LDLRAD3: variants seen among roughly 807,000 people sequenced by gnomAD.
LDLRAD3 encodes low density lipoprotein receptor class A domain containing 3.
Under a neutral mutation model 29.4 loss-of-function variants are expected in LDLRAD3, and 20 were observed. The observed-to-expected ratio is 0.68, with a 90% CI of 0.48 to 0.99. The LOEUF is 0.99. LDLRAD3 is among the 50% of genes least tolerant of loss of function. LDLRAD3 has a pLI of 0.00. For synonymous variants in LDLRAD3, 157 were observed against 192.7 expected (o/e 0.81, Z 1.53); for missense variants, 420 against 454.3 (o/e 0.92, Z 0.69).
chr11:36,128,117 C>CATATATATATATATAT lies in LDLRAD3; in HGVS notation c.454+29659_454+29674dup, dbSNP rs57687795. Among the ~76,000 whole-genome samples the CATATATATATATATAT allele has an allele frequency of 1.9e-3, 185 of 98,940 alleles. 7 individuals carry two copies. Among genetic ancestry groups the CATATATATATATATAT allele is most frequent in the Middle Eastern group, 5.0e-3 (1 of 200 alleles). The allele number at this position is 98,940 out of a possible 152,430, so 64.9% of individuals were successfully genotyped here. A position where few individuals can be genotyped will look rare whatever the true frequency, so the allele number is the denominator to read the frequency against. The stretch of plus-strand genomic sequence containing the variant: ...CGTATTGATGGCAGAGTTGTTTTTA[C>CATATATATATATATAT]ATATATATATATATATATGTATATG... On this transcript the variant is annotated intron_variant, in intron 4 of 5. Coordinates refer to ENST00000315571, the MANE Select transcript of LDLRAD3 (RefSeq NM_174902.4).
chr11:36,208,739 T>C (rs1855243953), intron 4 of LDLRAD3, among the ~76,000 whole-genome samples: 1 of 147,914 alleles, frequency 6.8e-6, no homozygotes, highest in Non-Finnish European at 1.5e-5. Flanking sequence ...ATTGTAATTA[T>C]TGAAATGTAG....
intron 4 of LDLRAD3, among the ~76,000 whole-genome samples, chr11:36,161,678 CA>C (rs1482889526): frequency 6.6e-6 from 1 of 152,160 alleles, no homozygotes; most frequent in African/African-American, 2.4e-5. Context: ...CGGTAAGATA[CA>C]TTGGTAGACA....
intron 1 of LDLRAD3, among the ~76,000 whole-genome samples, chr11:35,985,778 C>G (rs1051173250): frequency 6.6e-5 from 10 of 152,028 alleles, no homozygotes; most frequent in Non-Finnish European, 1.3e-4. Context: ...GCCTTTGCTC[C>G]TCCTTCACCT....
intron 4 of LDLRAD3, among the ~76,000 whole-genome samples, chr11:36,152,081 C>T (rs1056008494): frequency 4.1e-5 from 6 of 148,140 alleles, no homozygotes; most frequent in Admixed American, 1.3e-4. Flanking sequence ...AATTTCCAAA[C>T]GCCTCCTAAG....
At chr11:36,216,898 G>T (rs1215512864) in intron 4 of LDLRAD3, among the ~76,000 whole-genome samples, 1 of 152,198 alleles carries the variant, frequency 6.6e-6, no homozygotes, top group African/African-American at 2.4e-5. Flanking sequence ...AGATGTTCAG[G>T]ATAAATGGGA....
chr11:36,072,590 G>T (rs1392064), intron 2 of LDLRAD3, among the ~76,000 whole-genome samples: 23,952 of 152,148 alleles, frequency 0.16, 2,258 homozygotes, highest in East Asian at 0.35. Flanking sequence ...TGGCTCTAGG[G>T]TACCCTGCCT....
At chr11:36,153,430 A>G (rs1242051365) in intron 4 of LDLRAD3, among the ~76,000 whole-genome samples, 1 of 152,030 alleles carries the variant, frequency 6.6e-6, no homozygotes, top group Non-Finnish European at 1.5e-5. Flanking sequence ...GTGGGAGAGA[A>G]CTTTTAATTG....
At chr11:36,142,912 C>T (rs1415872701) in intron 4 of LDLRAD3, among the ~76,000 whole-genome samples, 1 of 152,194 alleles carries the variant, frequency 6.6e-6, no homozygotes, top group East Asian at 1.9e-4. Flanking sequence ...AGCTCCCAGG[C>T]TCATGGAACC....
At chr11:36,179,202 G>C (rs1359260560) in intron 4 of LDLRAD3, among the ~76,000 whole-genome samples, 3 of 152,178 alleles carry the variant, frequency 2.0e-5, no homozygotes, top group African/African-American at 7.2e-5. Context: ...GGCCAGGTAT[G>C]GTGGCTCATG....
chr11:36,170,581 A>G (rs1262464317), intron 4 of LDLRAD3, among the ~76,000 whole-genome samples: 3 of 152,026 alleles, frequency 2.0e-5, no homozygotes, highest in African/African-American at 4.8e-5. Flanking sequence ...GAATCTCCAT[A>G]TTGTTTTCCA....
intron 4 of LDLRAD3, among the ~76,000 whole-genome samples, chr11:36,158,597 T>C (rs1486095458): frequency 6.6e-6 from 1 of 151,356 alleles, no homozygotes; most frequent in Non-Finnish European, 1.5e-5. Flanking sequence ...CTTTTTATTA[T>C]ATCTACTCTC....
At chr11:36,081,093 C>T (rs1490737223) in intron 2 of LDLRAD3, among the ~76,000 whole-genome samples, 1 of 152,144 alleles carries the variant, frequency 6.6e-6, no homozygotes. Context: ...AATCCAAGTT[C>T]CCAGACTCCA....
At chr11:35,989,822 C>T (rs140303798) in intron 1 of LDLRAD3, among the ~76,000 whole-genome samples, 12 of 152,200 alleles carry the variant, frequency 7.9e-5, no homozygotes, top group African/African-American at 2.9e-4. Flanking sequence ...TTAGGGTTCT[C>T]TAGGTATAGA....
At chr11:36,148,256 T>C (rs1854226694) in intron 4 of LDLRAD3, among the ~76,000 whole-genome samples, 1 of 152,150 alleles carries the variant, frequency 6.6e-6, no homozygotes, top group Admixed American at 6.5e-5. Context: ...CCAGTGATGG[T>C]CCTCTCCTTG....
At chr11:36,134,295 C>T (rs1194282780) in intron 4 of LDLRAD3, among the ~76,000 whole-genome samples, 1 of 152,180 alleles carries the variant, frequency 6.6e-6, no homozygotes, top group Non-Finnish European at 1.5e-5. Flanking sequence ...TACTGATAGT[C>T]TCCTTAATAT....
At chr11:36,134,679 G>T (rs189796514) in intron 4 of LDLRAD3, among the ~76,000 whole-genome samples, 3 of 152,292 alleles carry the variant, frequency 2.0e-5, no homozygotes, top group Admixed American at 2.0e-4. Flanking sequence ...CAGCCACATT[G>T]GGCATCTGTT....
intron 1 of LDLRAD3, among the ~76,000 whole-genome samples, chr11:35,961,181 G>C (rs1480167593): frequency 6.6e-6 from 1 of 152,242 alleles, no homozygotes; most frequent in Non-Finnish European, 1.5e-5. Flanking sequence ...ATAGAAGGCA[G>C]TGAGCGTCAG....
intron 4 of LDLRAD3, among the ~76,000 whole-genome samples, chr11:36,114,783 C>T (rs571744837): frequency 1.3e-5 from 2 of 152,290 alleles, no homozygotes; most frequent in Admixed American, 6.5e-5. Flanking sequence ...GTGCGTCTCT[C>T]TTCCCAATAC....
At position 35,992,454 on chromosome 11, in the gene LDLRAD3, A is replaced by G. The variant is rs1048717017; in HGVS notation, c.47-43649A>G. Reference sequence around the variant, plus strand: ...AGTGGCAACAACCCACATGTTCCCCAGTGGATGAATGGATAAATAAAATGT... The same window carrying G: ...AGTGGCAACAACCCACATGTTCCCCGGTGGATGAATGGATAAATAAAATGT... On this transcript the variant is annotated intron_variant, in intron 1 of 5. Coordinates refer to ENST00000315571, the MANE Select transcript of LDLRAD3 (RefSeq NM_174902.4). Among the ~76,000 whole-genome samples, 4 of 152,208 alleles carry G rather than the reference A, an allele frequency of 2.6e-5. No homozygotes were observed. In the East Asian group the frequency reaches 5.8e-4, roughly 22 times the overall value.
Sources: allele counts gnomAD v4.1 joint callset (sites outside exome capture counted in the v4.1 genomes callset), GRCh38; gene constraint gnomAD v4.1.1; transcripts MANE v1.5; gene names NCBI Gene and HGNC (gene_info 2026-07-23, HGNC 2026-07-21).